SYT16: variants seen among roughly 807,000 people sequenced by gnomAD.
SYT16 encodes the protein synaptotagmin-16.
A neutral mutation model predicts 61.4 loss-of-function variants in SYT16; 42 were observed. That is an observed-to-expected ratio of 0.68 (90% CI 0.53 to 0.89). The LOEUF (loss-of-function observed/expected upper bound fraction) is 0.89. Among genes scored for constraint, SYT16 ranks in the 40% least tolerant of loss-of-function variants. The pLI, the probability that SYT16 is intolerant of heterozygous loss-of-function variation, is 0.00. For synonymous variants in SYT16, 314 were observed against 302.3 expected (o/e 1.04, Z -0.40); for missense variants, 804 against 807.3 (o/e 1.00, Z 0.05).
In SYT16 at chr14:62,108,342, T is replaced by A. The variant is rs989307326; in HGVS notation, c.*7635T>A. ...GTGTTGCCCAGTTGATAGTCCATAA[T>A]AAAAAATGTACATATCTTGTTTAAA... On this transcript the variant is annotated 3_prime_UTR_variant, in exon 8 of 8. Coordinates refer to ENST00000683842, the MANE Select transcript of SYT16 (RefSeq NM_001367656.1). 6.6e-6 allele frequency: 1 copy of A among 152,182 alleles called. No individual in the cohort carries two copies. Among genetic ancestry groups the A allele is most frequent in the South Asian group, 2.1e-4 (1 of 4,824 alleles). The allele number at this position is 152,182 out of a possible 1,614,324, so 9.4% of individuals were successfully genotyped here.
chr14:61,833,849 G>T (rs369958454), intron 1 of SYT16, among the ~76,000 whole-genome samples: 4 of 151,422 alleles, frequency 2.6e-5, no homozygotes, highest in South Asian at 4.2e-4. Flanking sequence ...TAAGGTGCAG[G>T]GCTTTATTCC....
Position 61,993,771 on chromosome 14 carries a change from T to C in SYT16, c.-144-2105T>C, listed in dbSNP as rs138841581. 2.1e-3 allele frequency among the ~76,000 whole-genome samples: 317 copies of C among 152,328 alleles called. 2 individuals carry two copies. The highest frequency in any genetic ancestry group is 3.4e-3 in the Middle Eastern group (1 of 294). On this transcript the variant is annotated intron_variant, in intron 2 of 7. Transcript: ENST00000683842. Reference sequence around the variant, plus strand: ...ACATTGTTTAACATCTTTTTAACAGTTCTGGATAGAATTTATCCATCAACT... The same window carrying C: ...ACATTGTTTAACATCTTTTTAACAGCTCTGGATAGAATTTATCCATCAACT...
Position 62,100,830 on chromosome 14 carries a change from A to G in SYT16, c.*123A>G. 1 of 968,734 alleles carries G rather than the reference A, an allele frequency of 1.0e-6. No individual in the cohort carries two copies. Among genetic ancestry groups the G allele is most frequent in the East Asian group, 2.6e-5 (1 of 37,896 alleles). The allele number at this position is 968,734 out of a possible 1,614,324, so 60.0% of individuals were successfully genotyped here. A position where few individuals can be genotyped will look rare whatever the true frequency, so the allele number is the denominator to read the frequency against. The stretch of plus-strand genomic sequence containing the variant: ...AACAGATTCCACTAACCCCTAGGAC[A>G]TTGTGAGTGGGAGTTTTGGGTTTCT... On this transcript the variant is annotated 3_prime_UTR_variant, in exon 8 of 8. Coordinates refer to ENST00000683842, the MANE Select transcript of SYT16 (RefSeq NM_001367656.1).
chr14:61,969,384 T>G (rs10139202), intron 1 of SYT16, among the ~76,000 whole-genome samples: 4 of 151,872 alleles, frequency 2.6e-5, no homozygotes, highest in African/African-American at 7.3e-5. Context: ...TATATACTTA[T>G]AGCTGAATGC....
At chr14:62,086,122 A>T (rs2056877628) in intron 7 of SYT16, among the ~76,000 whole-genome samples, 1 of 152,190 alleles carries the variant, frequency 6.6e-6, no homozygotes, top group Non-Finnish European at 1.5e-5. Flanking sequence ...TGCTTGAGAA[A>T]GTACCAGCTG....
At chr14:61,915,336 C>A (rs375383355) in intron 1 of SYT16, among the ~76,000 whole-genome samples, 5 of 152,072 alleles carry the variant, frequency 3.3e-5, no homozygotes, top group African/African-American at 1.2e-4. Context: ...CACACACATA[C>A]ATTTAATTCG....
chr14:61,929,146 T>C lies in SYT16; in HGVS notation c.-324-40986T>C, dbSNP rs140655102. On this transcript the variant is annotated intron_variant, in intron 1 of 7. Coordinates refer to ENST00000683842, the MANE Select transcript of SYT16 (RefSeq NM_001367656.1). The stretch of plus-strand genomic sequence containing the variant: ...TTACTAGTAAAGACAGTTCAGGCTG[T>C]TTTGATGTAGTCAGTTCATCTAGCT... Among the ~76,000 whole-genome samples, 32 of 152,284 alleles carry C rather than the reference T, an allele frequency of 2.1e-4. 1 individual carries two copies. The East Asian group carries it at 6.2e-3, about 29-fold the overall frequency.
chr14:61,870,336 T>C (rs567703923), intron 1 of SYT16, among the ~76,000 whole-genome samples: 39 of 152,316 alleles, frequency 2.6e-4, no homozygotes, highest in African/African-American at 9.4e-4. Context: ...TATATTGTCA[T>C]TCTCATTGCT....
chr14:61,890,498 CAA>C lies in SYT16; in HGVS notation c.-325+77702_-325+77703del, dbSNP rs34468900. Reference sequence around the variant, plus strand: ...ATAGTCAAGAATGTTTCCTTCATGACAAAAAAAAAAAAAAACACTATACAATT... The same window carrying C: ...ATAGTCAAGAATGTTTCCTTCATGACAAAAAAAAAAAAACACTATACAATT... On this transcript the variant is annotated intron_variant, in intron 1 of 7. Coordinates refer to ENST00000683842, the MANE Select transcript of SYT16 (RefSeq NM_001367656.1). Among the ~76,000 whole-genome samples the C allele has an allele frequency of 3.6e-3, 415 of 116,084 alleles. 1 individual carries two copies. Among genetic ancestry groups the C allele is most frequent in the South Asian group, 7.7e-3 (28 of 3,628 alleles). The allele number at this position is 116,084 out of a possible 152,430, so 76.2% of individuals were successfully genotyped here. A position where few individuals can be genotyped will look rare whatever the true frequency, so the allele number is the denominator to read the frequency against.
At chr14:62,030,501 C>T (rs2054273465) in intron 3 of SYT16, among the ~76,000 whole-genome samples, 1 of 152,158 alleles carries the variant, frequency 6.6e-6, no homozygotes, top group East Asian at 1.9e-4. Context: ...ATAAGAGATA[C>T]ATAGAACTAC....
chr14:61,882,887 T>C (rs2047752521), intron 1 of SYT16, among the ~76,000 whole-genome samples: 2 of 152,240 alleles, frequency 1.3e-5, no homozygotes, highest in South Asian at 2.1e-4. Flanking sequence ...TGAAATCCAA[T>C]AGGCCAGTCA....
chr14:61,831,585 A>G (rs949455469), intron 1 of SYT16, among the ~76,000 whole-genome samples: 1 of 152,188 alleles, frequency 6.6e-6, no homozygotes, highest in Non-Finnish European at 1.5e-5. Context: ...TTAAACTGCC[A>G]TATGCTGAAG....
At chr14:62,053,927 A>G (rs2055424014) in intron 3 of SYT16, among the ~76,000 whole-genome samples, 1 of 152,138 alleles carries the variant, frequency 6.6e-6, no homozygotes, top group Admixed American at 6.5e-5. Context: ...TAATGGATTT[A>G]TTTTCATCAT....
chr14:61,815,576 T>G (rs573063669), intron 1 of SYT16, among the ~76,000 whole-genome samples: 1 of 152,170 alleles, frequency 6.6e-6, no homozygotes, highest in Non-Finnish European at 1.5e-5. Context: ...TGGAAACTTA[T>G]AATGTTCACA....
chr14:61,855,749 G>A (rs2046754244), intron 1 of SYT16, among the ~76,000 whole-genome samples: 1 of 152,130 alleles, frequency 6.6e-6, no homozygotes, highest in Non-Finnish European at 1.5e-5. Flanking sequence ...AGAGTAGAGT[G>A]GTAATTATGT....
chr14:62,079,366 A>G (rs1158905872), intron 5 of SYT16: 4 of 1,222,858 alleles, frequency 3.3e-6, no homozygotes, highest in Admixed American at 5.7e-5. Context: ...AAAGAAAAGG[A>G]TATTTATTAG....
At chr14:61,836,187 G>A (rs906112622) in intron 1 of SYT16, among the ~76,000 whole-genome samples, 4 of 152,154 alleles carry the variant, frequency 2.6e-5, no homozygotes, top group Admixed American at 2.6e-4. Context: ...CTTTACTCCT[G>A]TATCCTTCAT....
intron 1 of SYT16, among the ~76,000 whole-genome samples, chr14:61,859,199 C>G (rs1013781313): frequency 6.6e-6 from 1 of 152,068 alleles, no homozygotes; most frequent in South Asian, 2.1e-4. Flanking sequence ...CCTGTAAAGT[C>G]GAGCTGCAGA....
chr14:61,915,117 T>C (rs2049071240), intron 1 of SYT16, among the ~76,000 whole-genome samples: 1 of 152,164 alleles, frequency 6.6e-6, no homozygotes, highest in African/African-American at 2.4e-5. Context: ...GATACCCCTC[T>C]TTTTCTGTCA....
Sources: gnomAD v4.1 joint callset for allele counts (sites outside exome capture counted in the v4.1 genomes callset) on GRCh38, gnomAD v4.1.1 for gene constraint, MANE v1.5 for transcripts, NCBI Gene and HGNC (gene_info 2026-07-23, HGNC 2026-07-21) for gene names.